Variants in PNKP observed in about 807,000 individuals in gnomAD.
The protein encoded by PNKP is polynucleotide kinase 3'-phosphatase, also known as bifunctional polynucleotide phosphatase/kinase.
PNKP carries 82 observed loss-of-function variants against 66.2 expected under a neutral mutation model. The observed-to-expected ratio is 1.24, with a 90% CI of 1.04 to 1.49. The LOEUF is 1.49. Among genes scored for constraint, PNKP ranks in the 40% most tolerant of loss-of-function variants. PNKP has a pLI of 0.00. For synonymous variants in PNKP, 412 were observed against 298.9 expected (o/e 1.38, Z -3.90); for missense variants, 907 against 706.8 (o/e 1.28, Z -3.21).
rs1408686073 is a variant in PNKP at position 49,862,523 on chromosome 19, G to A, written c.936+15C>T. 1.9e-6 allele frequency: 3 copies of A among 1,606,478 alleles called. No homozygotes were observed. The highest frequency in any genetic ancestry group is 2.6e-6 in the Non-Finnish European group (3 of 1,176,318). On this transcript the variant is annotated intron_variant, in intron 10 of 16. Coordinates refer to ENST00000322344, the MANE Select transcript of PNKP (RefSeq NM_007254.4). The stretch of plus-strand genomic sequence containing the variant: ...GGGTCGGGCTCGGGCGCGGGGCAGG[G>A]GGCAGGGGCCTCACCAGGCGATCGG...
intron 1 of PNKP, 31 bp from the exon 2 acceptor site, chr19:49,867,248 G>C (rs1184268125): frequency 6.4e-7 from 1 of 1,572,122 alleles, no homozygotes; most frequent in Non-Finnish European, 8.6e-7. Context: ...CTTGAGCGGC[G>C]CACAGCCCCA....
intron 2 of PNKP, 168 bp downstream of exon 2, chr19:49,866,886 C>T (rs1233839320): frequency 1.3e-6 from 1 of 753,006 alleles, no homozygotes; most frequent in African/African-American, 1.7e-5. Flanking sequence ...AAGGATCTAG[C>T]TAATTCTAAA....
rs753839317 is a variant in PNKP at position 49,867,054 on chromosome 19, C to T, written c.151G>A (p.Val51Met). ...VTDRKCSRTQ[V>M]ELVADPETRT... Reference sequence around the variant, plus strand: ...CCCCTCCAGCTCAGGCCCCGCTCACCTTGAGTTCTGGAGCACTTCCGGTCC... The same window carrying T: ...CCCCTCCAGCTCAGGCCCCGCTCACTTTGAGTTCTGGAGCACTTCCGGTCC... The change falls in exon 2 of 17, where the codon GTG becomes ATG. Residue 51 changes from valine (V) to methionine (M), a missense_variant and splice_region_variant. Coordinates refer to ENST00000322344, the MANE Select transcript of PNKP (RefSeq NM_007254.4). 6.2e-7 allele frequency: 1 copy of T among 1,613,936 alleles called. No homozygotes were observed. Among genetic ancestry groups the T allele is most frequent in the Non-Finnish European group, 8.5e-7 (1 of 1,179,936 alleles).
Position 49,862,214 on chromosome 19 carries a change from T to C in PNKP, c.1097A>G (p.Glu366Gly), listed in dbSNP as rs781476566. 6.2e-7 allele frequency: 1 copy of C among 1,613,166 alleles called. No individual in the cohort carries two copies. The highest frequency in any genetic ancestry group is 2.2e-5 in the East Asian group (1 of 44,840). ...AGGGAATCCCACTGCGACAACCACC[T>C]CCGGGCTGGCGCTCAGGAGGGCCCT... ...ESRALLSASP[E>G]VVVAVGFPGA... Residue 366 changes from glutamate (E) to glycine (G), a missense_variant, in exon 12 of 17, where the codon GAG becomes GGG. Glu to Gly is a moderately conservative substitution (Grantham distance 98, BLOSUM62 -2). Transcript: ENST00000322344.
At chr19:49,866,651 C>A in intron 2 of PNKP, 1 of 668,228 alleles carries the variant, frequency 1.5e-6, no homozygotes, top group Non-Finnish European at 2.7e-6. Context: ...CAGGGAGGTA[C>A]TTTTCTCTAC....
Position 49,862,273 on chromosome 19 carries a change from G to A in PNKP, c.1038C>T (p.Val346=), listed in dbSNP as rs778229704. The A allele has an allele frequency of 1.3e-6, 2 of 1,599,168 alleles. No homozygotes were observed. The highest frequency in any genetic ancestry group is 2.2e-5 in the South Asian group (2 of 88,964). Reference sequence around the variant, plus strand: ...GGAGGCAGAGAGGCCCTGAGCGGGAGACAGTCCTCTGCGAGGGGCGGGGGA... The same window carrying A: ...GGAGGCAGAGAGGCCCTGAGCGGGAAACAGTCCTCTGCGAGGGGCGGGGGA... The part of the protein sequence containing the change: ...FELPAFDPRT[V]SRSGPLCLPE... Residue 346 remains valine (V), a synonymous_variant, in exon 12 of 17, where the codon GTC becomes GTT. Coordinates refer to ENST00000322344, the MANE Select transcript of PNKP (RefSeq NM_007254.4).
At chr19:49,863,852 C>T (rs1600420113) in intron 7 of PNKP, 92 bp from the exon 8 acceptor site, 2 of 1,367,236 alleles carry the variant, frequency 1.5e-6, no homozygotes, top group East Asian at 5.0e-5. Flanking sequence ...ATGATGGGTT[C>T]CTATCAGCAT....
chr19:49,861,752 C>G lies in PNKP; in HGVS notation c.1298+20G>C. 2 of 1,559,046 alleles carry G rather than the reference C, an allele frequency of 1.3e-6. No homozygotes were observed. Among genetic ancestry groups the G allele is most frequent in the Non-Finnish European group, 1.7e-6 (2 of 1,152,032 alleles). On this transcript the variant is annotated intron_variant, in intron 14 of 16. Coordinates refer to ENST00000322344, the MANE Select transcript of PNKP (RefSeq NM_007254.4). The stretch of plus-strand genomic sequence containing the variant: ...CGCCCACCCCGCCGCAGGCCACCTA[C>G]GGCCCCGCGGTCACGCTACCTGGCG...
chr19:49,865,337 G>C lies in PNKP; in HGVS notation c.288C>G (p.Val96=). The change falls in exon 4 of 17, where the codon GTC becomes GTG. Residue 96 remains valine (V), a synonymous_variant. Coordinates refer to ENST00000322344, the MANE Select transcript of PNKP (RefSeq NM_007254.4). ...SLGVGDTLYL[V]NGLHPLTLRW... ...GCAGGGTCAGTGGGTGGAGGCCATT[G>C]ACCAAATACAGTGTGTCCCCCACCC... 2 of 1,613,974 alleles carry C rather than the reference G, an allele frequency of 1.2e-6. No individual in the cohort carries two copies. Among genetic ancestry groups the C allele is most frequent in the Non-Finnish European group, 1.7e-6 (2 of 1,179,922 alleles).
intron 5 of PNKP, 38 bp downstream of exon 5, chr19:49,864,286 C>G: frequency 6.2e-7 from 1 of 1,609,210 alleles, no homozygotes. Flanking sequence ...GAGGTGGACT[C>G]CAGGCCTCAC....
At position 49,865,464 on chromosome 19, in the gene PNKP, C is replaced by T. The variant is rs1020594682; in HGVS notation, c.199-38G>A. The T allele has an allele frequency of 3.3e-6, 5 of 1,493,234 alleles. No homozygotes were observed. In the East Asian group the frequency reaches 1.2e-4, roughly 36 times the overall value. 92.5% of individuals were successfully genotyped at this position (1,493,234 alleles called of 1,614,324 possible). On this transcript the variant is annotated intron_variant, in intron 3 of 16. Transcript: ENST00000322344. ...AGGGAGGAGCTGGGACTGGCTCCGC[C>T]CCCACCGGGAGCTTCCTCCAATCAA...
rs2074807637 is a variant in PNKP, at chr19:49,865,046, T to C, written c.498+81A>G. ...ATTTCTCAGAAAAGTAAGTAGAGGCTAAAAAGTTGAGAGCACGCAACAAAC... is the reference window on the plus strand; with the variant it reads ...ATTTCTCAGAAAAGTAAGTAGAGGCCAAAAAGTTGAGAGCACGCAACAAAC... On this transcript the variant is annotated intron_variant, in intron 4 of 16. Transcript: ENST00000322344. The C allele has an allele frequency of 2.4e-6, 3 of 1,225,142 alleles. No individual in the cohort carries two copies. The South Asian group carries it at 3.8e-5, about 15-fold the overall frequency. The allele number at this position is 1,225,142 out of a possible 1,614,324, so 75.9% of individuals were successfully genotyped here.
At chr19:49,863,561 C>G (rs1018916704) in intron 8 of PNKP, 128 bp downstream of exon 8, 3 of 706,464 alleles carry the variant, frequency 4.2e-6, no homozygotes, top group Non-Finnish European at 7.7e-6. Context: ...GATGTCACAG[C>G]AAAAAACAGA....
In PNKP at chr19:49,861,843, A is replaced by T; in HGVS notation, c.1227T>A (p.Cys409Ter). The T allele has an allele frequency of 7.5e-6, 12 of 1,593,130 alleles. No homozygotes were observed. The highest frequency in any genetic ancestry group is 1.3e-5 in the African/African-American group (1 of 74,470). ...LGSWQRCVTTCETALKQGKRV... is the reference protein window; with the variant it reads ...LGSWQRCVTT Reference sequence around the variant, plus strand: ...GTTTCCCTTGCTTCAGGGCTGTCTCACACGTGGTCACACAGCGCTGCCAGG... The same window carrying T: ...GTTTCCCTTGCTTCAGGGCTGTCTCTCACGTGGTCACACAGCGCTGCCAGG... The change falls in exon 14 of 17, where the codon TGT (cysteine) becomes TGA (stop). Residue 409 changes from cysteine (C) to a stop codon, truncating the protein, a stop_gained. Coordinates refer to ENST00000322344, the MANE Select transcript of PNKP (RefSeq NM_007254.4). LOFTEE classifies it high-confidence loss of function.
At chr19:49,864,489 A>T in intron 4 of PNKP, 86 bp from the exon 5 acceptor site, 17 of 1,006,486 alleles carry the variant, frequency 1.7e-5, no homozygotes, top group Non-Finnish European at 2.2e-5. Flanking sequence ...CAACCCTGCC[A>T]GGCAGGGTGT....
intron 10 of PNKP, 26 bp downstream of exon 10, chr19:49,862,512 C>T (rs1316821439): frequency 2.5e-6 from 4 of 1,602,072 alleles, no homozygotes; most frequent in South Asian, 2.2e-5. Context: ...CGGGCTCGGG[C>T]GCGGGGCAGG....
chr19:49,862,784 C>T (rs748199773), intron 8 of PNKP, 46 bp from the exon 9 acceptor site: 36 of 1,607,094 alleles, frequency 2.2e-5, no homozygotes, highest in South Asian at 8.8e-5. Context: ...AATGTCCCCC[C>T]GCAGCGGTAG....
chr19:49,863,003 A>G (rs1367981197), intron 8 of PNKP, among the ~76,000 whole-genome samples: 1 of 151,170 alleles, frequency 6.6e-6, no homozygotes, highest in Non-Finnish European at 1.5e-5. Flanking sequence ...CCACCCTGCT[A>G]CAGCTCCAGC....
In PNKP at chr19:49,861,811, G is replaced by GCGAC. The variant is rs768847609; in HGVS notation, c.1255_1258dup (p.Ala420GlyfsTer75). On this transcript the variant is annotated frameshift_variant, in exon 14 of 17. Coordinates refer to ENST00000322344, the MANE Select transcript of PNKP (RefSeq NM_007254.4). LOFTEE classifies it high-confidence loss of function. ...GGCGTCTGGGTTTGTGTTGTCGATG[G>GCGAC]CGACCCGTTTCCCTTGCTTCAGGGC... is the stretch of plus-strand genomic sequence containing the variant. 6.3e-6 allele frequency: 10 copies of GCGAC among 1,582,280 alleles called. No individual in the cohort carries two copies. The highest frequency in any genetic ancestry group is 8.6e-6 in the Non-Finnish European group (10 of 1,167,764).
Sources: gnomAD v4.1 joint callset for allele counts (sites outside exome capture counted in the v4.1 genomes callset) on GRCh38, gnomAD v4.1.1 for gene constraint, MANE v1.5 for transcripts, NCBI Gene and HGNC (gene_info 2026-07-23, HGNC 2026-07-21) for gene names.